SHROOM2: variants seen among roughly 807,000 people sequenced by gnomAD.
SHROOM2 encodes the protein protein Shroom2.
A neutral mutation model predicts 75.9 loss-of-function variants in SHROOM2; 33 were observed. The ratio of observed to expected loss-of-function variants is 0.43; its 90% CI spans 0.33 to 0.58. SHROOM2 has a LOEUF of 0.58. Among genes scored for constraint, SHROOM2 ranks in the 20% least tolerant of loss-of-function variants. The pLI, the probability that SHROOM2 is intolerant of heterozygous loss-of-function variation, is 0.04. For synonymous variants in SHROOM2, 655 were observed against 663.6 expected (o/e 0.99, Z 0.20); for missense variants, 1,434 against 1,461.2 (o/e 0.98, Z 0.30).
At position 9,834,158 on chromosome X, in the gene SHROOM2, C is replaced by A. The variant is rs182190766; in HGVS notation, c.166-39494C>A. Reference sequence around the variant, plus strand: ...TGCGCAAGATGCCCCCCACAGCAAACGGGGGTCCATCTCAGTGTGGTGGTG... The same window carrying A: ...TGCGCAAGATGCCCCCCACAGCAAAAGGGGGTCCATCTCAGTGTGGTGGTG... On this transcript the variant is annotated intron_variant, in intron 1 of 9. Coordinates refer to ENST00000380913, the MANE Select transcript of SHROOM2 (RefSeq NM_001649.4). Among the ~76,000 whole-genome samples the A allele has an allele frequency of 9.9e-4, 111 of 112,170 alleles. 1 individual carries two copies. Among genetic ancestry groups the A allele is most frequent in the African/African-American group, 3.0e-3 (93 of 30,899 alleles).
At chrX:9,930,039 T>G (rs763197435) in intron 5 of SHROOM2, among the ~76,000 whole-genome samples, 1 of 111,778 alleles carries the variant, frequency 8.9e-6, no homozygotes, top group African/African-American at 3.2e-5. Context: ...TAAACGTCAC[T>G]TTGTTCCCAG....
At chrX:9,897,701 G>A (rs866708270) in intron 4 of SHROOM2, among the ~76,000 whole-genome samples, 522 of 42,447 alleles carry the variant, frequency 0.012, no homozygotes, top group Middle Eastern at 0.032. Flanking sequence ...AAAAAAAAAA[G>A]AACCACTAGT....
At chrX:9,793,867 C>T (rs2083680864) in intron 1 of SHROOM2, among the ~76,000 whole-genome samples, 1 of 110,175 alleles carries the variant, frequency 9.1e-6, no homozygotes, top group South Asian at 3.9e-4. Flanking sequence ...CCCTCAGCCT[C>T]CTGAGTAGCT....
At chrX:9,864,288 A>G (rs2084121114) in intron 1 of SHROOM2, among the ~76,000 whole-genome samples, 1 of 111,355 alleles carries the variant, frequency 9.0e-6, no homozygotes, top group Non-Finnish European at 1.9e-5. Flanking sequence ...AGATTAGGAA[A>G]ACCGACTGCC....
At chrX:9,931,124 G>C (rs754251530) in intron 5 of SHROOM2, among the ~76,000 whole-genome samples, 15 of 111,616 alleles carry the variant, frequency 1.3e-4, no homozygotes, top group Admixed American at 5.7e-4. Context: ...TGACTTCTTT[G>C]AGTGGGGTTG....
At chrX:9,851,446 C>CTTTTTTTTTTTTTTTTTTT (rs746715538) in intron 1 of SHROOM2, among the ~76,000 whole-genome samples, 1 of 63,189 alleles carries the variant, frequency 1.6e-5, no homozygotes. Context: ...CAGGATATTG[C>CTTTTTTTTTTTTTTTTTTT]TTTTTTTTTT....
intron 5 of SHROOM2, among the ~76,000 whole-genome samples, chrX:9,922,310 AG>A (rs1227158080): frequency 9.0e-6 from 1 of 111,487 alleles, no homozygotes; most frequent in Non-Finnish European, 1.9e-5. Context: ...CCTCCTGCCT[AG>A]GCAACCCAAG....
intron 5 of SHROOM2, among the ~76,000 whole-genome samples, chrX:9,922,674 G>A (rs2084557564): frequency 9.0e-6 from 1 of 111,426 alleles, no homozygotes; most frequent in Non-Finnish European, 1.9e-5. Context: ...GGTGGGCAGT[G>A]TTTGGCCAAC....
chrX:9,937,781 G>A (rs1203775710), intron 7 of SHROOM2, 96 bp downstream of exon 7: 2 of 802,313 alleles, frequency 2.5e-6, no homozygotes, highest in African/African-American at 2.1e-5. Flanking sequence ...TTTCATGCGT[G>A]CTTTTGGGGA....
chrX:9,806,833 C>T (rs1287386479), intron 1 of SHROOM2, among the ~76,000 whole-genome samples: 1 of 110,304 alleles, frequency 9.1e-6, no homozygotes, highest in Non-Finnish European at 1.9e-5. Context: ...AAGCAATTCT[C>T]ATGCTTCAGC....
intron 1 of SHROOM2, among the ~76,000 whole-genome samples, chrX:9,804,152 C>A (rs965995070): frequency 2.7e-5 from 3 of 111,365 alleles, no homozygotes; most frequent in African/African-American, 9.8e-5. Context: ...TGACAACTCC[C>A]CAGTGGATGA....
rs202052074 is a variant in SHROOM2 at position 9,893,967 on chromosome X, A to AC, written c.450-389dup. On this transcript the variant is annotated intron_variant, in intron 3 of 9. Coordinates refer to ENST00000380913, the MANE Select transcript of SHROOM2 (RefSeq NM_001649.4). ...AGACTGTCTCAAAAAAAAAAAAAAAACCAAAATCAACAACAACAACAACCT... is the reference window on the plus strand; with the variant it reads ...AGACTGTCTCAAAAAAAAAAAAAAAACCCAAAATCAACAACAACAACAACCT... Among the ~76,000 whole-genome samples the AC allele has an allele frequency of 3.7e-5, 4 of 108,863 alleles. 1 individual carries two copies. The highest frequency in any genetic ancestry group is 1.4e-4 in the African/African-American group (4 of 29,627). The allele number at this position is 108,863 out of a possible 115,157, so 94.5% of individuals were successfully genotyped here.
chrX:9,847,427 G>A (rs369560056), intron 1 of SHROOM2, among the ~76,000 whole-genome samples: 3 of 112,264 alleles, frequency 2.7e-5, no homozygotes, highest in Non-Finnish European at 5.6e-5. Flanking sequence ...ATAGCTGTGC[G>A]AATCCAAATA....
intron 1 of SHROOM2, among the ~76,000 whole-genome samples, chrX:9,795,803 C>A (rs979386173): frequency 9.2e-6 from 1 of 108,888 alleles, no homozygotes; most frequent in African/African-American, 3.4e-5. Context: ...TAATAAACTT[C>A]TGGTGTAGTA....
At chrX:9,944,444 A>G (rs906076226) in intron 8 of SHROOM2, among the ~76,000 whole-genome samples, 197 bp from the exon 9 acceptor site, 1 of 112,452 alleles carries the variant, frequency 8.9e-6, no homozygotes, top group Non-Finnish European at 1.9e-5. Flanking sequence ...TTAAATGCCA[A>G]TAGTGCCATT....
chrX:9,803,623 G>T (rs1056723512), intron 1 of SHROOM2, among the ~76,000 whole-genome samples: 1 of 111,864 alleles, frequency 8.9e-6, no homozygotes, highest in African/African-American at 3.3e-5. Context: ...AGATTCAGGA[G>T]CCTCTCCTGT....
intron 5 of SHROOM2, among the ~76,000 whole-genome samples, chrX:9,899,395 A>C (rs931051037): frequency 9.0e-6 from 1 of 111,658 alleles, no homozygotes; most frequent in African/African-American, 3.3e-5. Context: ...AATGCACGAC[A>C]GGGTCCCCGG....
At chrX:9,823,059 CCTCCTCCT>C (rs2083864410) in intron 1 of SHROOM2, among the ~76,000 whole-genome samples, 1 of 31,083 alleles carries the variant, frequency 3.2e-5, no homozygotes, top group African/African-American at 9.9e-5. Flanking sequence ...TCCTCCTCCT[CCTCCTCCT>C]CCTCCTCCCT....
At chrX:9,850,954 C>T (rs747706482) in intron 1 of SHROOM2, among the ~76,000 whole-genome samples, 3 of 111,905 alleles carry the variant, frequency 2.7e-5, no homozygotes, top group East Asian at 5.6e-4. Context: ...CCTTTGTTTC[C>T]AGCCCCTGGT....
Sources: gnomAD v4.1 joint callset for allele counts (sites outside exome capture counted in the v4.1 genomes callset) on GRCh38, gnomAD v4.1.1 for gene constraint, MANE v1.5 for transcripts, NCBI Gene and HGNC (gene_info 2026-07-23, HGNC 2026-07-21) for gene names.